PI4KA: variants seen among roughly 807,000 people sequenced by gnomAD.
PI4KA encodes phosphatidylinositol 4-kinase alpha.
A neutral mutation model predicts 271.4 loss-of-function variants in PI4KA; 122 were observed. That is an observed-to-expected ratio of 0.45 (90% CI 0.39 to 0.52). PI4KA has a LOEUF of 0.52. Among genes scored for constraint, PI4KA ranks in the 20% least tolerant of loss-of-function variants. PI4KA has a pLI of 0.00. For missense variants in PI4KA, 1,969 were observed against 2,769.1 expected (o/e 0.71, Z 6.48); for synonymous variants, 1,041 against 1,078.8 (o/e 0.96, Z 0.69).
At chr22:20,787,673 C>A in intron 19 of PI4KA, 1 of 161,724 alleles carries the variant, frequency 6.2e-6, no homozygotes, top group Non-Finnish European at 1.4e-5. Context: ...ACAGTGTGTG[C>A]CATGTCTCCC....
At chr22:20,742,377 T>C in intron 31 of PI4KA, 22 bp from the exon 32 acceptor site, 2 of 1,610,344 alleles carry the variant, frequency 1.2e-6, no homozygotes, top group East Asian at 2.2e-5. Context: ...CACACGTCAG[T>C]CAGAGGCCTC....
intron 4 of PI4KA, among the ~76,000 whole-genome samples, chr22:20,824,109 G>GA (rs113469872): frequency 0.012 from 1,211 of 103,450 alleles, 11 homozygotes; most frequent in African/African-American, 0.036. Context: ...TTAGAAAAAA[G>GA]AAAAAAAAAA....
At chr22:20,734,948 G>A (rs1156767848) in intron 32 of PI4KA, among the ~76,000 whole-genome samples, 1 of 152,186 alleles carries the variant, frequency 6.6e-6, no homozygotes, top group Non-Finnish European at 1.5e-5. Context: ...GGCAGAAGAG[G>A]GTTCTGGATC....
chr22:20,843,394 GA>G (rs760782640), intron 1 of PI4KA, among the ~76,000 whole-genome samples: 1 of 150,206 alleles, frequency 6.7e-6, no homozygotes, highest in African/African-American at 2.5e-5. Context: ...GGGATCCGAG[GA>G]GGGAAGATTG....
At chr22:20,749,829 T>G in intron 28 of PI4KA, 76 bp downstream of exon 28, 1 of 859,446 alleles carries the variant, frequency 1.2e-6, no homozygotes, top group Non-Finnish European at 2.0e-6. Flanking sequence ...GGATTTTGAG[T>G]TCTTCATGTC....
At chr22:20,718,469 C>T (rs1204328667) in intron 44 of PI4KA, among the ~76,000 whole-genome samples, 1 of 152,202 alleles carries the variant, frequency 6.6e-6, no homozygotes, top group Non-Finnish European at 1.5e-5. Flanking sequence ...ACTGGCGTGG[C>T]CGTGCATTCT....
intron 24 of PI4KA, 33 bp from the exon 25 acceptor site, chr22:20,753,060 C>G: frequency 1.2e-6 from 2 of 1,614,194 alleles, no homozygotes; most frequent in Non-Finnish European, 1.7e-6. Context: ...TACCGCAGTG[C>G]CCCAGATGCC....
At chr22:20,785,854 C>A in intron 19 of PI4KA, 1 of 1,116,300 alleles carries the variant, frequency 9.0e-7, no homozygotes, top group Non-Finnish European at 1.3e-6. Context: ...TTCCTAAAAT[C>A]CTCAACTGAC....
At chr22:20,763,311 C>T (rs1932193186) in intron 22 of PI4KA, among the ~76,000 whole-genome samples, 1 of 151,846 alleles carries the variant, frequency 6.6e-6, no homozygotes, top group Non-Finnish European at 1.5e-5. Flanking sequence ...GGGGTTTCAC[C>T]ATGTTGGTCA....
At chr22:20,713,180 G>T (rs1925540373) in intron 48 of PI4KA, 101 bp downstream of exon 48, 3 of 909,946 alleles carry the variant, frequency 3.3e-6, no homozygotes, top group East Asian at 2.6e-5. Flanking sequence ...AGAAGGAAAA[G>T]ATTCACATTT....
chr22:20,779,254 A>G (rs770008066), intron 19 of PI4KA: 3 of 1,610,852 alleles, frequency 1.9e-6, no homozygotes, highest in African/African-American at 2.7e-5. Flanking sequence ...CGGGGTGTGG[A>G]TCAGCCAGGC....
At chr22:20,830,768 G>A (rs1337391381) in intron 3 of PI4KA, among the ~76,000 whole-genome samples, 1 of 151,984 alleles carries the variant, frequency 6.6e-6, no homozygotes, top group African/African-American at 2.4e-5. Context: ...TTTTGTTATT[G>A]TTGTTGTTTG....
intron 19 of PI4KA, among the ~76,000 whole-genome samples, chr22:20,770,118 C>T (rs1222293855): frequency 6.6e-6 from 1 of 151,980 alleles, no homozygotes; most frequent in African/African-American, 2.4e-5. Flanking sequence ...ACAATCATAG[C>T]TCACTGTACA....
intron 18 of PI4KA, among the ~76,000 whole-genome samples, chr22:20,795,724 C>A (rs13056862): frequency 0.24 from 36,284 of 152,088 alleles, 5,654 homozygotes; most frequent in Non-Finnish European, 0.34. Flanking sequence ...GTAGACCTGT[C>A]TTCCTTGGGA....
intron 19 of PI4KA, among the ~76,000 whole-genome samples, chr22:20,791,482 A>G (rs544271132): frequency 9.8e-5 from 15 of 152,316 alleles, no homozygotes; most frequent in Admixed American, 4.6e-4. Context: ...GGGGCCAGGC[A>G]TGGTGGTTCA....
intron 36 of PI4KA, among the ~76,000 whole-genome samples, chr22:20,731,806 G>A (rs1473751920): frequency 2.6e-5 from 4 of 152,238 alleles, no homozygotes; most frequent in East Asian, 3.9e-4. Context: ...GCGAGCGCCT[G>A]TAGTCCCAGC....
At chr22:20,723,955 C>T (rs1927046113) in intron 42 of PI4KA, among the ~76,000 whole-genome samples, 1 of 151,902 alleles carries the variant, frequency 6.6e-6, no homozygotes, top group Non-Finnish European at 1.5e-5. Flanking sequence ...TCTCCTGCCT[C>T]AGCCTCCCAA....
At chr22:20,708,930 G>GCCCAC (rs1924872638) in intron 54 of PI4KA, among the ~76,000 whole-genome samples, 1 of 132,736 alleles carries the variant, frequency 7.5e-6, no homozygotes, top group Non-Finnish European at 1.6e-5. Flanking sequence ...TCCAGTCACT[G>GCCCAC]CCCACGAAGC....
intron 19 of PI4KA, among the ~76,000 whole-genome samples, chr22:20,766,984 T>C (rs1396506399): frequency 6.6e-6 from 1 of 152,190 alleles, no homozygotes; most frequent in African/African-American, 2.4e-5. Context: ...TCAGAAATTC[T>C]AAATATCCCC....
Sources: gnomAD v4.1 joint callset for allele counts (sites outside exome capture counted in the v4.1 genomes callset) on GRCh38, gnomAD v4.1.1 for gene constraint, MANE v1.5 for transcripts, NCBI Gene and HGNC (gene_info 2026-07-23, HGNC 2026-07-21) for gene names.